RBFOX1: variants seen among roughly 807,000 people sequenced by gnomAD.
RBFOX1 encodes the protein RNA binding fox-1 homolog 1, also known as RNA binding protein fox-1 homolog 1.
RBFOX1 carries 8 observed loss-of-function variants against 57.7 expected under a neutral mutation model. The observed-to-expected ratio is 0.14, with a 90% CI of 0.08 to 0.25. The LOEUF (loss-of-function observed/expected upper bound fraction) is 0.25, where lower values mean the gene tolerates loss of function less well. Ranked by LOEUF, RBFOX1 falls within the 10% of genes least tolerant of loss-of-function variation. The probability of loss-of-function intolerance (pLI) is 1.00; values close to 1 mark genes in which losing one functional copy is unlikely to be tolerated. For synonymous variants in RBFOX1, 326 were observed against 222.4 expected (o/e 1.47, Z -4.15); for missense variants, 611 against 548.5 (o/e 1.11, Z -1.14).
chr16:5,372,545 A>G (rs1261134650), intron 1 of RBFOX1, among the ~76,000 whole-genome samples: 1 of 152,172 alleles, frequency 6.6e-6, no homozygotes, highest in Non-Finnish European at 1.5e-5. Context: ...GTTGGCCTAC[A>G]CTTCTGCTGG....
At chr16:6,999,212 A>ATTTTATTTTATTT (rs1254312494) in intron 3 of RBFOX1, among the ~76,000 whole-genome samples, 11 of 117,692 alleles carry the variant, frequency 9.3e-5, no homozygotes, top group Admixed American at 3.5e-4. Flanking sequence ...TTTTATTTTT[A>ATTTTATTTTATTT]TTTATTTTTT....
At chr16:5,610,614 A>G (rs1385310348) in intron 3 of RBFOX1, 1 of 152,112 alleles carries the variant, frequency 6.6e-6, no homozygotes, top group Non-Finnish European at 1.5e-5. Context: ...CGGTTGAGGC[A>G]GGAGGTCAGT....
rs142221453 is a variant in RBFOX1 at position 7,040,372 on chromosome 16, T to C, written c.-15-11685T>C. Reference sequence around the variant, plus strand: ...ATACTTACTATGTGCCAGGCCAGATTTGGCTTTGATGCTCTACAAATAACA... The same window carrying C: ...ATACTTACTATGTGCCAGGCCAGATCTGGCTTTGATGCTCTACAAATAACA... On this transcript the variant is annotated intron_variant, in intron 3 of 15. Coordinates refer to ENST00000550418, the MANE Select transcript of RBFOX1 (RefSeq NM_018723.4). Among the ~76,000 whole-genome samples, 471 of 152,292 alleles carry C rather than the reference T, an allele frequency of 3.1e-3. 4 individuals carry two copies. The highest frequency in any genetic ancestry group is 8.6e-3 in the African/African-American group (357 of 41,570).
intron 4 of RBFOX1, among the ~76,000 whole-genome samples, chr16:7,469,272 C>T (rs894987588): frequency 2.6e-5 from 4 of 151,850 alleles, no homozygotes; most frequent in Non-Finnish European, 5.9e-5. Context: ...CCATGTCGGT[C>T]AGGCTGGTCT....
chr16:6,849,121 T>C (rs1275713085), intron 3 of RBFOX1, among the ~76,000 whole-genome samples: 1 of 152,172 alleles, frequency 6.6e-6, no homozygotes, highest in East Asian at 1.9e-4. Flanking sequence ...TTGTGATTTA[T>C]ATATAATCAT....
chr16:6,255,819 C>G (rs1421129770), intron 1 of RBFOX1, among the ~76,000 whole-genome samples: 1 of 151,944 alleles, frequency 6.6e-6, no homozygotes, highest in Admixed American at 6.6e-5. Flanking sequence ...CATGTTCTCA[C>G]TGATAAGAGG....
At chr16:6,842,343 G>C (rs948139357) in intron 3 of RBFOX1, among the ~76,000 whole-genome samples, 1 of 151,904 alleles carries the variant, frequency 6.6e-6, no homozygotes, top group African/African-American at 2.4e-5. Flanking sequence ...CACATCTTTG[G>C]AAAGACAAAT....
intron 3 of RBFOX1, among the ~76,000 whole-genome samples, chr16:6,933,828 A>T (rs993458361): frequency 6.6e-6 from 1 of 152,212 alleles, no homozygotes; most frequent in African/African-American, 2.4e-5. Context: ...TGCAGTGTTT[A>T]CCTCTCTTTA....
chr16:5,394,991 C>T (rs946938651), intron 1 of RBFOX1, among the ~76,000 whole-genome samples: 5 of 152,166 alleles, frequency 3.3e-5, no homozygotes, highest in African/African-American at 4.8e-5. Flanking sequence ...TGGCCTGTAC[C>T]TTCATTGGCT....
intron 2 of RBFOX1, among the ~76,000 whole-genome samples, chr16:6,509,166 T>C (rs779062830): frequency 6.6e-6 from 1 of 152,208 alleles, no homozygotes; most frequent in Non-Finnish European, 1.5e-5. Flanking sequence ...GCAGAGAGGA[T>C]CTTCCAGTAA....
At chr16:6,923,856 TC>T (rs1263875731) in intron 3 of RBFOX1, among the ~76,000 whole-genome samples, 1 of 152,042 alleles carries the variant, frequency 6.6e-6, no homozygotes, top group Non-Finnish European at 1.5e-5. Context: ...AGTGTATTAG[TC>T]CATGCTGCAT....
chr16:5,808,859 G>A (rs925077645), intron 3 of RBFOX1, among the ~76,000 whole-genome samples: 4 of 152,122 alleles, frequency 2.6e-5, no homozygotes, highest in African/African-American at 7.2e-5. Flanking sequence ...ATCATGTCAT[G>A]TGCAAACAGG....
intron 4 of RBFOX1, among the ~76,000 whole-genome samples, chr16:5,943,072 C>T (rs979623786): frequency 6.6e-6 from 1 of 152,194 alleles, no homozygotes; most frequent in Admixed American, 6.5e-5. Context: ...TTCCTATTCC[C>T]TCATCAGAGA....
At chr16:6,149,254 T>C (rs1182285396) in intron 1 of RBFOX1, among the ~76,000 whole-genome samples, 1 of 152,242 alleles carries the variant, frequency 6.6e-6, no homozygotes, top group Non-Finnish European at 1.5e-5. Flanking sequence ...TGGCTGCTTG[T>C]GTAGCCAGTA....
At chr16:6,613,042 TGA>T (rs1331628311) in intron 2 of RBFOX1, among the ~76,000 whole-genome samples, 18 of 145,808 alleles carry the variant, frequency 1.2e-4, no homozygotes, top group African/African-American at 3.3e-4. Flanking sequence ...TGTGTGTGTG[TGA>T]GTGTGTGTGT....
At chr16:5,821,384 C>T (rs764411368) in intron 3 of RBFOX1, among the ~76,000 whole-genome samples, 1 of 149,216 alleles carries the variant, frequency 6.7e-6, no homozygotes, top group Non-Finnish European at 1.5e-5. Context: ...CTCACTGTAG[C>T]CTTTGACTCC....
chr16:6,969,264 G>C (rs1165197830), intron 3 of RBFOX1, among the ~76,000 whole-genome samples: 5 of 152,130 alleles, frequency 3.3e-5, no homozygotes, highest in Admixed American at 1.3e-4. Context: ...GGAGATTATG[G>C]ATTTTAAAAA....
At chr16:7,528,379 C>G (rs1400104019) in intron 5 of RBFOX1, among the ~76,000 whole-genome samples, 1 of 152,220 alleles carries the variant, frequency 6.6e-6, no homozygotes, top group Non-Finnish European at 1.5e-5. Flanking sequence ...TCCATCCTTT[C>G]TGTAGCTCAT....
chr16:7,341,915 C>G (rs1363809287), intron 4 of RBFOX1, among the ~76,000 whole-genome samples: 1 of 151,770 alleles, frequency 6.6e-6, no homozygotes, highest in Non-Finnish European at 1.5e-5. Context: ...TAATAGAGTT[C>G]AACACACCCA....
Sources: allele counts gnomAD v4.1 joint callset (sites outside exome capture counted in the v4.1 genomes callset), GRCh38; gene constraint gnomAD v4.1.1; transcripts MANE v1.5; gene names NCBI Gene and HGNC (gene_info 2026-07-23, HGNC 2026-07-21).